Variants in LARGE1 observed in about 807,000 individuals in gnomAD.
The protein encoded by LARGE1 is xylosyl- and glucuronyltransferase LARGE1.
Under a neutral mutation model 87.6 loss-of-function variants are expected in LARGE1, and 43 were observed. That is an observed-to-expected ratio of 0.49 (90% CI 0.38 to 0.63). The LOEUF (loss-of-function observed/expected upper bound fraction) is 0.63. Among genes scored for constraint, LARGE1 ranks in the 30% least tolerant of loss-of-function variants. The pLI is 0.00. For missense variants in LARGE1, 802 were observed against 1,000.2 expected (o/e 0.80, Z 2.67); for synonymous variants, 434 against 394.6 (o/e 1.10, Z -1.18).
At chr22:33,786,126 G>T (rs1338807671) in intron 1 of LARGE1, among the ~76,000 whole-genome samples, 1 of 152,134 alleles carries the variant, frequency 6.6e-6, no homozygotes, top group African/African-American at 2.4e-5. Context: ...GAAGTACATT[G>T]TCTTTTGGGC....
At chr22:33,368,990 T>G (rs1421851176) in intron 9 of LARGE1, among the ~76,000 whole-genome samples, 1 of 152,118 alleles carries the variant, frequency 6.6e-6, no homozygotes, top group African/African-American at 2.4e-5. Context: ...GTTGGAAGGT[T>G]GGGGTGGTTG....
At chr22:33,869,695 G>T (rs940315379) in intron 1 of LARGE1, among the ~76,000 whole-genome samples, 2 of 152,204 alleles carry the variant, frequency 1.3e-5, no homozygotes, top group African/African-American at 4.8e-5. Flanking sequence ...GGTCCCTTCT[G>T]GGAGGTGGTT....
intron 11 of LARGE1, among the ~76,000 whole-genome samples, chr22:33,234,646 A>G (rs965619001): frequency 2.0e-5 from 3 of 152,060 alleles, no homozygotes; most frequent in African/African-American, 7.2e-5. Context: ...GGTTCAAGCA[A>G]TTCTCCTGCC....
chr22:33,388,891 A>G (rs1569119023), intron 7 of LARGE1, among the ~76,000 whole-genome samples: 2 of 152,142 alleles, frequency 1.3e-5, no homozygotes, highest in African/African-American at 4.8e-5. Context: ...TTTATTCAAC[A>G]TATTAACTCA....
intron 9 of LARGE1, among the ~76,000 whole-genome samples, chr22:33,368,787 T>G (rs957861600): frequency 3.1e-4 from 47 of 152,164 alleles, no homozygotes; most frequent in African/African-American, 1.1e-3. Flanking sequence ...ATATAAAAAT[T>G]ATGTTTAAAC....
intron 1 of LARGE1, chr22:33,873,008 A>AAT (rs1555887125): frequency 4.6e-5 from 7 of 152,160 alleles, no homozygotes; most frequent in African/African-American, 1.7e-4. Context: ...CTCAAAAAAA[A>AAT]AAATAAATAA....
intron 11 of LARGE1, among the ~76,000 whole-genome samples, chr22:33,228,915 A>G (rs1453736416): frequency 1.3e-5 from 2 of 152,194 alleles, no homozygotes; most frequent in Non-Finnish European, 2.9e-5. Context: ...AAGTTGTAAC[A>G]CAGACCCTTG....
At chr22:33,460,755 G>GT (rs2148008383) in intron 6 of LARGE1, among the ~76,000 whole-genome samples, 1 of 152,262 alleles carries the variant, frequency 6.6e-6, no homozygotes, top group South Asian at 2.1e-4. Context: ...AGAACAAAGC[G>GT]TAAAGACAGG....
At chr22:33,511,887 A>C (rs1256457292) in intron 6 of LARGE1, among the ~76,000 whole-genome samples, 1 of 152,042 alleles carries the variant, frequency 6.6e-6, no homozygotes, top group Admixed American at 6.6e-5. Flanking sequence ...GCAATGGCTA[A>C]CTCCCCTACA....
At chr22:33,551,464 A>G (rs1274664967) in intron 6 of LARGE1, among the ~76,000 whole-genome samples, 2 of 152,234 alleles carry the variant, frequency 1.3e-5, no homozygotes, top group Non-Finnish European at 2.9e-5. Context: ...TCACATGGCT[A>G]TTAGTTCAAT....
At chr22:33,426,726 G>C (rs550966784) in intron 7 of LARGE1, among the ~76,000 whole-genome samples, 40 of 152,310 alleles carry the variant, frequency 2.6e-4, no homozygotes, top group Non-Finnish European at 3.4e-4. Context: ...TTGTCCTGCA[G>C]AGAAGGATTC....
chr22:33,433,898 A>G (rs1026935285), intron 6 of LARGE1, among the ~76,000 whole-genome samples: 1 of 152,176 alleles, frequency 6.6e-6, no homozygotes, highest in African/African-American at 2.4e-5. Flanking sequence ...GGTTTGGGGT[A>G]ATATATTCGA....
chr22:33,890,835 G>A (rs1475874376), intron 1 of LARGE1, among the ~76,000 whole-genome samples: 1 of 151,874 alleles, frequency 6.6e-6, no homozygotes, highest in Non-Finnish European at 1.5e-5. Flanking sequence ...AAAGCAACAA[G>A]CATTAGGCAG....
intron 1 of LARGE1, among the ~76,000 whole-genome samples, chr22:33,846,191 C>T (rs574014654): frequency 1.8e-4 from 28 of 152,236 alleles, no homozygotes; most frequent in African/African-American, 5.8e-4. Flanking sequence ...ACGGAGGGAC[C>T]GGCTGAAGCC....
At chr22:33,469,561 T>C (rs1159860367) in intron 6 of LARGE1, among the ~76,000 whole-genome samples, 1 of 152,066 alleles carries the variant, frequency 6.6e-6, no homozygotes, top group African/African-American at 2.4e-5. Context: ...AAACTATCTA[T>C]TGCCTGTAAT....
intron 11 of LARGE1, among the ~76,000 whole-genome samples, chr22:33,256,858 C>CA: frequency 1.3e-5 from 2 of 152,238 alleles, no homozygotes; most frequent in East Asian, 3.9e-4. Flanking sequence ...ATTTCAGAGA[C>CA]AAAATTCAAA....
intron 10 of LARGE1, among the ~76,000 whole-genome samples, chr22:33,321,890 C>T (rs1936753984): frequency 6.6e-6 from 1 of 152,162 alleles, no homozygotes; most frequent in Non-Finnish European, 1.5e-5. Context: ...ACGATCTCGG[C>T]TCACTGCAAC....
At chr22:33,750,069 A>AC (rs1242554027) in intron 2 of LARGE1, among the ~76,000 whole-genome samples, 1 of 152,194 alleles carries the variant, frequency 6.6e-6, no homozygotes, top group African/African-American at 2.4e-5. Flanking sequence ...CTAGCCCAGC[A>AC]CCAGGCCAAA....
At chr22:33,858,022 G>A (rs2063804710) in intron 1 of LARGE1, among the ~76,000 whole-genome samples, 1 of 152,114 alleles carries the variant, frequency 6.6e-6, no homozygotes, top group Admixed American at 6.5e-5. Context: ...GGGGTTCTTG[G>A]CCTCACAGAT....
Sources: allele counts gnomAD v4.1 joint callset (sites outside exome capture counted in the v4.1 genomes callset), GRCh38; gene constraint gnomAD v4.1.1; transcripts MANE v1.5; gene names NCBI Gene and HGNC (gene_info 2026-07-23, HGNC 2026-07-21).